The following AK7 variants were observed in gnomAD, a reference collection of about 807,000 sequenced individuals.
AK7 encodes the protein adenylate kinase 7.
Under a neutral mutation model 96.6 loss-of-function variants are expected in AK7, and 78 were observed. The ratio of observed to expected loss-of-function variants is 0.81; its 90% confidence interval spans 0.67 to 0.97. The LOEUF (loss-of-function observed/expected upper bound fraction) is 0.97. Among genes scored for constraint, AK7 ranks in the 50% least tolerant of loss-of-function variants. The pLI is 0.00. For synonymous variants in AK7, 302 were observed against 317.2 expected, an observed-to-expected ratio of 0.95 and a Z score of 0.51; for missense variants, 855 against 887.9, an observed-to-expected ratio of 0.96 and a Z score of 0.47.
In AK7 at chr14:96,404,801, T is replaced by C. The variant is rs778011090; in HGVS notation, c.339T>C (p.Asp113=). 1.2e-6 allele frequency: 2 copies of C among 1,611,114 alleles called. No homozygotes were observed. The highest frequency in any genetic ancestry group is 2.2e-5 in the South Asian group (2 of 90,886). Residue 113 remains aspartate, a synonymous_variant, in exon 3 of 18, where the codon GAT becomes GAC. Transcript: ENST00000267584. ...TTCTCATGCGCCTGCTGGAGTGTGA[T>C]GTTATTATTTATAACATCACTGAGA... ...EDLLMRLLEC[D]VIIYNITESS...
intron 12 of AK7, among the ~76,000 whole-genome samples, chr14:96,463,407 G>GT (rs1226984219): frequency 7.7e-6 from 1 of 130,582 alleles, no homozygotes; most frequent in Non-Finnish European, 1.7e-5. Context: ...TTCATCCTGT[G>GT]TTAAAAAAAA....
chr14:96,476,410 C>A (rs1895181912), intron 14 of AK7, among the ~76,000 whole-genome samples: 1 of 150,640 alleles, frequency 6.6e-6, no homozygotes, highest in Admixed American at 6.7e-5. Context: ...GAGGCTGAGG[C>A]AGGAGAATCA....
chr14:96,478,155 GAGGA>G lies in AK7; in HGVS notation c.1556-293_1556-290del, dbSNP rs536410683. ...CTGCTGCTTTTATTAGTTAGAAAGGGAGGAAGGAAGGAAGGAAGGACAGAGGGAG... is the reference window on the plus strand; with the variant it reads ...CTGCTGCTTTTATTAGTTAGAAAGGGAGGAAGGAAGGAAGGACAGAGGGAG... On this transcript the variant is annotated intron_variant, in intron 14 of 17. Coordinates refer to ENST00000267584, the MANE Select transcript of AK7 (RefSeq NM_152327.5). 4.9e-4 allele frequency among the ~76,000 whole-genome samples: 72 copies of G among 146,714 alleles called. No homozygotes were observed. The East Asian group carries it at 8.0e-3, about 16-fold the overall frequency.
chr14:96,478,864 G>T (rs771149927), intron 15 of AK7, among the ~76,000 whole-genome samples: 1 of 151,640 alleles, frequency 6.6e-6, no homozygotes, highest in East Asian at 1.9e-4. Flanking sequence ...TGTTATTATC[G>T]TATGAGAATT....
chr14:96,407,302 AT>A (rs1172398929), intron 3 of AK7, among the ~76,000 whole-genome samples: 1 of 152,218 alleles, frequency 6.6e-6, no homozygotes, highest in Non-Finnish European at 1.5e-5. Context: ...TGAAGAGACA[AT>A]TTTTGTTATT....
At chr14:96,475,382 G>C (rs1895118160) in intron 14 of AK7, among the ~76,000 whole-genome samples, 1 of 152,144 alleles carries the variant, frequency 6.6e-6, no homozygotes, top group East Asian at 1.9e-4. Flanking sequence ...CAAGAACAAG[G>C]GGAAAGGTCT....
At chr14:96,450,143 G>A (rs530012388) in intron 9 of AK7, among the ~76,000 whole-genome samples, 5 of 151,944 alleles carry the variant, frequency 3.3e-5, no homozygotes, top group South Asian at 2.1e-4. Flanking sequence ...TGGGCCGGGC[G>A]CGGTGATTCA....
rs933980792 is a variant in AK7 at position 96,488,542 on chromosome 14, T to G, written c.*199T>G. 2 of 508,434 alleles carry G rather than the reference T, an allele frequency of 3.9e-6. No homozygotes were observed. Among genetic ancestry groups the G allele is most frequent in the Non-Finnish European group, 7.0e-6 (2 of 284,802 alleles). 31.5% of individuals were successfully genotyped at this position (508,434 alleles called of 1,614,324 possible). ...AAACTATATTTGAAATGTAAATTGA[T>G]AAAGACATTTGTGCATAGCTCATGA... On this transcript the variant is annotated 3_prime_UTR_variant, in exon 18 of 18. Transcript: ENST00000267584.
chr14:96,459,585 C>T (rs748981621), intron 12 of AK7, among the ~76,000 whole-genome samples: 3 of 152,036 alleles, frequency 2.0e-5, no homozygotes, highest in Non-Finnish European at 4.4e-5. Flanking sequence ...TGAGGCCGGG[C>T]ACGGTGGCTC....
chr14:96,447,325 AT>A (rs1893300356), intron 8 of AK7, among the ~76,000 whole-genome samples: 2 of 152,018 alleles, frequency 1.3e-5, no homozygotes, highest in African/African-American at 4.8e-5. Context: ...TTATTTACTT[AT>A]TTTTTTGATA....
intron 5 of AK7, among the ~76,000 whole-genome samples, chr14:96,433,375 A>G (rs1483096167): frequency 6.6e-6 from 1 of 151,326 alleles, no homozygotes; most frequent in Non-Finnish European, 1.5e-5. Context: ...ATTTCTTTTT[A>G]CTCTTTTTTC....
At chr14:96,476,378 G>A (rs571854601) in intron 14 of AK7, among the ~76,000 whole-genome samples, 3 of 151,924 alleles carry the variant, frequency 2.0e-5, no homozygotes, top group Admixed American at 1.3e-4. Context: ...GGTGGTGCAC[G>A]CCTATAATCC....
At chr14:96,478,247 G>A (rs192144270) in intron 14 of AK7, among the ~76,000 whole-genome samples, 20 of 152,152 alleles carry the variant, frequency 1.3e-4, no homozygotes, top group Admixed American at 1.3e-3. Flanking sequence ...GAAAATAATA[G>A]ATTGCACAAA....
At chr14:96,405,174 G>A (rs142876437) in intron 3 of AK7, 1,684 of 166,860 alleles carry the variant, frequency 0.01, 37 homozygotes, top group African/African-American at 0.038. Context: ...ACAAGACCTC[G>A]TCTCTACAAA....
At chr14:96,469,536 A>AG (rs1438462737) in intron 12 of AK7, among the ~76,000 whole-genome samples, 1 of 152,146 alleles carries the variant, frequency 6.6e-6, no homozygotes, top group African/African-American at 2.4e-5. Context: ...AAAACAAAAA[A>AG]GAAAATAGAC....
At chr14:96,393,885 G>C (rs1040784428) in intron 1 of AK7, among the ~76,000 whole-genome samples, 3 of 152,034 alleles carry the variant, frequency 2.0e-5, no homozygotes, top group African/African-American at 7.2e-5. Context: ...GAGGTGGGTG[G>C]ATCACCTGAG....
intron 6 of AK7, 69 bp downstream of exon 6, chr14:96,437,984 G>GT: frequency 1.4e-6 from 2 of 1,430,618 alleles, no homozygotes; most frequent in South Asian, 2.4e-5. Context: ...ATTTGAAGGT[G>GT]TTTTTGATTG....
At chr14:96,444,998 G>A (rs1485317902) in intron 7 of AK7, among the ~76,000 whole-genome samples, 3 of 152,278 alleles carry the variant, frequency 2.0e-5, no homozygotes, top group South Asian at 2.1e-4. Flanking sequence ...GATTACAGGC[G>A]TGAGCCACCA....
At chr14:96,459,894 A>C (rs1248423942) in intron 12 of AK7, among the ~76,000 whole-genome samples, 1 of 152,170 alleles carries the variant, frequency 6.6e-6, no homozygotes, top group East Asian at 1.9e-4. Context: ...AAGAAAGAAA[A>C]GAAAAAAATG....
Sources: allele counts gnomAD v4.1 joint callset (sites outside exome capture counted in the v4.1 genomes callset), GRCh38; gene constraint gnomAD v4.1.1; transcripts MANE v1.5; gene names NCBI Gene and HGNC (gene_info 2026-07-23, HGNC 2026-07-21).